The following PRR5 variants were observed in gnomAD, a reference collection of about 807,000 sequenced individuals.
PRR5 encodes the protein proline-rich protein 5.
PRR5 carries 25 observed loss-of-function variants against 30.6 expected under a neutral mutation model. That is an observed-to-expected ratio of 0.82 (90% CI 0.60 to 1.14). PRR5 has a LOEUF of 1.14. Ranked by LOEUF, PRR5 falls within the 50% of genes most tolerant of loss-of-function variation. PRR5 has a pLI of 0.00. For missense variants in PRR5, 600 were observed against 547.1 expected (o/e 1.10, Z -0.96); for synonymous variants, 286 against 247.1 (o/e 1.16, Z -1.48).
At chr22:44,705,734 C>T (rs778348839) in intron 1 of PRR5, among the ~76,000 whole-genome samples, 1 of 151,950 alleles carries the variant, frequency 6.6e-6, no homozygotes, top group African/African-American at 2.4e-5. Context: ...AAGTGATTCT[C>T]CTGTCGCAGC....
In PRR5 at chr22:44,737,347, C is replaced by T. The variant is rs1342724425; in HGVS notation, c.*100C>T. The T allele has an allele frequency of 2.7e-6, 4 of 1,468,058 alleles. No homozygotes were observed. The highest frequency in any genetic ancestry group is 2.8e-5 in the African/African-American group (2 of 70,736). The allele number at this position is 1,468,058 out of a possible 1,614,324, so 90.9% of individuals were successfully genotyped here. A position where few individuals can be genotyped will look rare whatever the true frequency, so the allele number is the denominator to read the frequency against. ...TGAGACTTTTTTACTGCGTCCCGTCCCGCCAGCCCTATCGGCCTCGTCACT... is the reference window on the plus strand; with the variant it reads ...TGAGACTTTTTTACTGCGTCCCGTCTCGCCAGCCCTATCGGCCTCGTCACT... On this transcript the variant is annotated 3_prime_UTR_variant, in exon 8 of 8. Coordinates refer to ENST00000336985, the MANE Select transcript of PRR5 (RefSeq NM_181333.4).
intron 1 of PRR5, among the ~76,000 whole-genome samples, chr22:44,683,350 C>T (rs1924456858): frequency 6.6e-6 from 1 of 152,200 alleles, no homozygotes; most frequent in Non-Finnish European, 1.5e-5. Context: ...GAGATAGCCA[C>T]CCACCTTGAG....
chr22:44,716,484 T>C (rs1432952678), intron 2 of PRR5, among the ~76,000 whole-genome samples: 1 of 151,856 alleles, frequency 6.6e-6, no homozygotes, highest in Admixed American at 6.5e-5. Context: ...CAGCCTGGGC[T>C]GAACATGACA....
intron 1 of PRR5, among the ~76,000 whole-genome samples, chr22:44,696,639 GC>G (rs1349085183): frequency 6.6e-6 from 1 of 152,144 alleles, no homozygotes; most frequent in African/African-American, 2.4e-5. Flanking sequence ...TGGTAGCTCA[GC>G]TGGTCAAGAG....
intron 7 of PRR5, 133 bp downstream of exon 7, chr22:44,735,295 G>GC (rs132407): frequency 3.1e-6 from 4 of 1,302,130 alleles, no homozygotes; most frequent in Non-Finnish European, 3.1e-6. Flanking sequence ...CCGGGCAGCA[G>GC]CCCCCAGCCT....
At chr22:44,683,924 A>C (rs12165506) in intron 1 of PRR5, among the ~76,000 whole-genome samples, 1 of 152,160 alleles carries the variant, frequency 6.6e-6, no homozygotes, top group Non-Finnish European at 1.5e-5. Flanking sequence ...GGGCCAGCCC[A>C]ATCCTTTGTC....
chr22:44,727,589 A>G (rs941721925), intron 4 of PRR5, among the ~76,000 whole-genome samples: 1 of 152,172 alleles, frequency 6.6e-6, no homozygotes, highest in African/African-American at 2.4e-5. Context: ...TGCCCAGGCC[A>G]CACAGCTGCA....
At chr22:44,699,525 T>G (rs561859884), upstream of PRR5, among the ~76,000 whole-genome samples, 2 of 152,388 alleles carry the variant, frequency 1.3e-5, no homozygotes, top group East Asian at 3.9e-4. Flanking sequence ...TTTTCACCAG[T>G]GGGGTCCAAT....
intron 1 of PRR5, among the ~76,000 whole-genome samples, chr22:44,685,189 G>A (rs2146954042): frequency 6.6e-6 from 1 of 152,266 alleles, no homozygotes; most frequent in Admixed American, 6.5e-5. Flanking sequence ...GGTACGCAGT[G>A]CCAGCACCCA....
At chr22:44,719,504 C>T (rs927722188) in intron 2 of PRR5, among the ~76,000 whole-genome samples, 1 of 152,160 alleles carries the variant, frequency 6.6e-6, no homozygotes, top group East Asian at 1.9e-4. Flanking sequence ...TGTTATGTGA[C>T]CCACCCTCTT....
chr22:44,688,336 A>C (rs1053251050), intron 1 of PRR5, among the ~76,000 whole-genome samples: 13 of 152,084 alleles, frequency 8.5e-5, no homozygotes, highest in Non-Finnish European at 1.9e-4. Flanking sequence ...GTGAGCTGTG[A>C]TCGCACCACT....
intron 1 of PRR5, among the ~76,000 whole-genome samples, chr22:44,689,830 G>A (rs1028240167): frequency 1.3e-5 from 2 of 152,190 alleles, no homozygotes; most frequent in East Asian, 3.9e-4. Context: ...TGTATTTTTA[G>A]TAGAGATGGG....
intron 4 of PRR5, among the ~76,000 whole-genome samples, chr22:44,728,062 G>C (rs918117980): frequency 6.6e-6 from 1 of 152,248 alleles, no homozygotes; most frequent in Admixed American, 6.5e-5. Context: ...CTCGGAGAAG[G>C]GAGTTTTGTG....
intron 1 of PRR5, among the ~76,000 whole-genome samples, chr22:44,680,611 C>T (rs1365164395): frequency 6.6e-6 from 1 of 152,174 alleles, no homozygotes; most frequent in Non-Finnish European, 1.5e-5. Flanking sequence ...CCCGACTTTC[C>T]CATGGAAGCT....
intron 1 of PRR5, among the ~76,000 whole-genome samples, chr22:44,705,524 C>T (rs183198826): frequency 6.6e-6 from 1 of 152,130 alleles, no homozygotes; most frequent in East Asian, 1.9e-4. Flanking sequence ...GGGGTTTTGC[C>T]ATGTTGGTCA....
intron 1 of PRR5, among the ~76,000 whole-genome samples, chr22:44,671,892 A>ATCCCAGTTAGGACTG (rs2146921804): frequency 6.6e-6 from 1 of 152,308 alleles, no homozygotes; most frequent in South Asian, 2.1e-4. Flanking sequence ...TGCTTGAACA[A>ATCCCAGTTAGGACTG]TCCCAGTTAG....
At chr22:44,701,640 A>G (rs1926300378), upstream of PRR5, among the ~76,000 whole-genome samples, 2 of 152,132 alleles carry the variant, frequency 1.3e-5, no homozygotes, top group South Asian at 4.1e-4. Context: ...CTACTTCTTC[A>G]AGCCCTCACT....
intron 2 of PRR5, among the ~76,000 whole-genome samples, chr22:44,718,137 C>T (rs1233771412): frequency 2.0e-5 from 3 of 151,322 alleles, no homozygotes; most frequent in African/African-American, 7.3e-5. Context: ...TGATGAATAA[C>T]GCTGCTGTGA....
intron 1 of PRR5, among the ~76,000 whole-genome samples, chr22:44,710,498 G>A (rs1436552423): frequency 2.6e-5 from 4 of 152,176 alleles, no homozygotes; most frequent in African/African-American, 4.8e-5. Flanking sequence ...ATTTACACAT[G>A]CCCCAACTGG....
Sources: gnomAD v4.1 joint callset for allele counts (sites outside exome capture counted in the v4.1 genomes callset) on GRCh38, gnomAD v4.1.1 for gene constraint, MANE v1.5 for transcripts, NCBI Gene and HGNC (gene_info 2026-07-23, HGNC 2026-07-21) for gene names.